GLIS3: variants seen among roughly 807,000 people sequenced by gnomAD.
GLIS3 encodes zinc finger protein GLIS3.
Under a neutral mutation model 78.6 loss-of-function variants are expected in GLIS3, and 53 were observed. The ratio of observed to expected loss-of-function variants is 0.67; its 90% CI spans 0.54 to 0.85. GLIS3 has a LOEUF of 0.85. Among genes scored for constraint, GLIS3 ranks in the 40% least tolerant of loss-of-function variants. The pLI, the probability that GLIS3 is intolerant of heterozygous loss-of-function variation, is 0.00. For missense variants in GLIS3, 1,703 were observed against 1,231.1 expected, an observed-to-expected ratio of 1.38 and a Z score of -5.74; for synonymous variants, 684 against 509.9, an observed-to-expected ratio of 1.34 and a Z score of -4.60.
chr9:4,459,696 T>C, the GLIS3 span, among the ~76,000 whole-genome samples: 8 of 151,682 alleles, frequency 5.3e-5, no homozygotes, highest in African/African-American at 1.7e-4. Flanking sequence ...GCCCAGGAGG[T>C]CAAGTGAACC....
intron 2 of GLIS3, among the ~76,000 whole-genome samples, chr9:4,283,904 A>C (rs2130316730): frequency 6.6e-6 from 1 of 152,186 alleles, no homozygotes; most frequent in South Asian, 2.1e-4. Flanking sequence ...GTGCCTATGC[A>C]TGTGCCAACC....
Position 4,206,731 on chromosome 9 carries a change from C to T in GLIS3, c.388+79307G>A, listed in dbSNP as rs150965699. Reference sequence around the variant, plus strand: ...GGTGAAAAATGCAGAATTGTGGTAACGGTTTGAATGAAAATCTTTGATAGA... The same window carrying T: ...GGTGAAAAATGCAGAATTGTGGTAATGGTTTGAATGAAAATCTTTGATAGA... On this transcript the variant is annotated intron_variant, in intron 2 of 10. Transcript: ENST00000381971. Among the ~76,000 whole-genome samples the T allele has an allele frequency of 3.7e-4, 57 of 152,270 alleles. No homozygotes were observed. The East Asian group carries it at 0.01, about 27-fold the overall frequency.
At chr9:4,273,945 G>T (rs1826756640) in intron 2 of GLIS3, among the ~76,000 whole-genome samples, 1 of 152,162 alleles carries the variant, frequency 6.6e-6, no homozygotes, top group Admixed American at 6.5e-5. Context: ...ATAATGTGCA[G>T]CTTTGTTCAT....
chr9:3,949,676 A>G (rs958719111), intron 4 of GLIS3, among the ~76,000 whole-genome samples: 2 of 152,242 alleles, frequency 1.3e-5, no homozygotes, highest in African/African-American at 4.8e-5. Flanking sequence ...CGAAGTTCCC[A>G]TAATCTAACA....
the GLIS3 span, among the ~76,000 whole-genome samples, chr9:4,355,761 T>C: frequency 2.6e-5 from 4 of 152,160 alleles, no homozygotes; most frequent in Non-Finnish European, 5.9e-5. Context: ...TTTCCAGCCA[T>C]AGACCCTTTT....
chr9:4,371,514 A>G, the GLIS3 span, among the ~76,000 whole-genome samples: 1 of 152,170 alleles, frequency 6.6e-6, no homozygotes, highest in Non-Finnish European at 1.5e-5. Context: ...GCCCAGTAAC[A>G]GCAGTTCAGA....
At chr9:3,950,809 T>C (rs1816627174) in intron 4 of GLIS3, among the ~76,000 whole-genome samples, 2 of 152,192 alleles carry the variant, frequency 1.3e-5, no homozygotes, top group Admixed American at 1.3e-4. Context: ...AAGTGACTTG[T>C]TAAAAATTAA....
chr9:3,966,384 A>C (rs1488878081), intron 4 of GLIS3, among the ~76,000 whole-genome samples: 1 of 152,200 alleles, frequency 6.6e-6, no homozygotes, highest in Non-Finnish European at 1.5e-5. Context: ...ATGACACTGT[A>C]ATAAATCAAA....
intron 4 of GLIS3, among the ~76,000 whole-genome samples, chr9:3,985,157 A>G (rs1207713845): frequency 6.6e-6 from 1 of 151,770 alleles, no homozygotes; most frequent in Non-Finnish European, 1.5e-5. Context: ...ATTATTAATT[A>G]TTACTGAGAC....
chr9:4,420,346 T>G, the GLIS3 span, among the ~76,000 whole-genome samples: 1 of 152,140 alleles, frequency 6.6e-6, no homozygotes, highest in African/African-American at 2.4e-5. Flanking sequence ...TCTATTACCT[T>G]GAGTATCTTA....
At chr9:4,342,996 A>G (rs1477909544) in intron 2 of GLIS3, among the ~76,000 whole-genome samples, 2 of 152,306 alleles carry the variant, frequency 1.3e-5, no homozygotes, top group African/African-American at 4.8e-5. Context: ...GCTTTTGGGC[A>G]TATGAAAAAA....
intron 2 of GLIS3, among the ~76,000 whole-genome samples, chr9:4,238,591 C>T (rs1388176307): frequency 6.6e-6 from 1 of 152,218 alleles, no homozygotes; most frequent in African/African-American, 2.4e-5. Context: ...TTAACCCTTT[C>T]TGGGAAGTAG....
chr9:3,837,839 T>C (rs1001944391), intron 9 of GLIS3, among the ~76,000 whole-genome samples: 1 of 152,284 alleles, frequency 6.6e-6, no homozygotes, highest in African/African-American at 2.4e-5. Context: ...ATAGATGCCA[T>C]TATACATTCG....
At chr9:4,434,736 A>G in the GLIS3 span, among the ~76,000 whole-genome samples, 1 of 152,140 alleles carries the variant, frequency 6.6e-6, no homozygotes, top group Non-Finnish European at 1.5e-5. Flanking sequence ...TTTGATTCCA[A>G]CTTCCCCAGA....
intron 8 of GLIS3, among the ~76,000 whole-genome samples, chr9:3,875,208 A>G (rs1372639244): frequency 1.3e-5 from 2 of 152,224 alleles, no homozygotes; most frequent in African/African-American, 4.8e-5. Flanking sequence ...CCATAGTAAA[A>G]CACCACTTCC....
chr9:4,092,122 A>C (rs1829562352), intron 4 of GLIS3, among the ~76,000 whole-genome samples: 1 of 151,128 alleles, frequency 6.6e-6, no homozygotes, highest in South Asian at 2.1e-4. Context: ...TTCTTTAATA[A>C]TAAATTTATC....
At chr9:4,157,373 G>T (rs1368940218) in intron 2 of GLIS3, among the ~76,000 whole-genome samples, 1 of 152,084 alleles carries the variant, frequency 6.6e-6, no homozygotes, top group Admixed American at 6.5e-5. Context: ...CTCTCAACAG[G>T]GCACGATTTT....
chr9:4,274,120 G>A (rs773817439), intron 2 of GLIS3, among the ~76,000 whole-genome samples: 5 of 152,150 alleles, frequency 3.3e-5, no homozygotes, highest in Non-Finnish European at 5.9e-5. Flanking sequence ...AGGAGGCCTG[G>A]TGGCTTGAAA....
intron 4 of GLIS3, among the ~76,000 whole-genome samples, chr9:4,083,165 T>C (rs752992741): frequency 2.0e-5 from 3 of 152,186 alleles, no homozygotes; most frequent in Non-Finnish European, 2.9e-5. Context: ...ATGCCTGTGG[T>C]TTCATCCACA....
Sources: gnomAD v4.1 joint callset for allele counts (sites outside exome capture counted in the v4.1 genomes callset) on GRCh38, gnomAD v4.1.1 for gene constraint, MANE v1.5 for transcripts, NCBI Gene and HGNC (gene_info 2026-07-23, HGNC 2026-07-21) for gene names.